Variants in WDR35 observed in about 807,000 individuals in gnomAD.
The protein encoded by WDR35 is WD repeat domain 35.
Under a neutral mutation model 158.3 loss-of-function variants are expected in WDR35, and 118 were observed. The ratio of observed to expected loss-of-function variants is 0.75; its 90% CI spans 0.64 to 0.87. The LOEUF is 0.87. Among genes scored for constraint, WDR35 ranks in the 40% least tolerant of loss-of-function variants. The pLI, the probability that WDR35 is intolerant of heterozygous loss-of-function variation, is 0.00. For missense variants in WDR35, 1,263 were observed against 1,405.8 expected (o/e 0.90, Z 1.62); for synonymous variants, 448 against 476.1 (o/e 0.94, Z 0.77).
intron 18 of WDR35, 114 bp downstream of exon 18, chr2:19,938,151 A>G: frequency 2.0e-6 from 3 of 1,479,690 alleles, no homozygotes; most frequent in Non-Finnish European, 2.8e-6. Flanking sequence ...TAAAAAGAAG[A>G]GCAAGAATGG....
intron 10 of WDR35, among the ~76,000 whole-genome samples, chr2:19,964,598 G>A (rs992860381): frequency 5.3e-5 from 8 of 151,668 alleles, no homozygotes; most frequent in Admixed American, 1.3e-4. Flanking sequence ...TGCCCAGGCC[G>A]GTCTCGAACT....
chr2:19,976,649 T>C (rs1400447330), intron 5 of WDR35, among the ~76,000 whole-genome samples: 1 of 151,612 alleles, frequency 6.6e-6, no homozygotes, highest in Non-Finnish European at 1.5e-5. Context: ...ACTGCCTTCA[T>C]GGACGTCACT....
intron 12 of WDR35, among the ~76,000 whole-genome samples, chr2:19,952,481 T>A (rs1011962889): frequency 1.3e-5 from 2 of 152,198 alleles, no homozygotes; most frequent in African/African-American, 4.8e-5. Context: ...CATAAGGAAA[T>A]GCTGTCTTCT....
chr2:19,921,678 C>T (rs1171143654), intron 25 of WDR35, among the ~76,000 whole-genome samples: 1 of 152,164 alleles, frequency 6.6e-6, no homozygotes, highest in African/African-American at 2.4e-5. Context: ...GCAAAGACTT[C>T]ATAACTAAAA....
chr2:19,936,531 G>A lies in WDR35; in HGVS notation c.2268-166C>T, dbSNP rs6755153. On this transcript the variant is annotated intron_variant, in intron 19 of 26. Transcript: ENST00000281405. ...GCCTGACTAGCTAAGAGGAAATGAG[G>A]AGCACCTGGAGGTTATGGTTTGAAT... Among the ~76,000 whole-genome samples, 15,899 of 152,184 alleles carry A rather than the reference G, an allele frequency of 0.1. 916 individuals carry two copies. Among genetic ancestry groups the A allele is most frequent in the South Asian group, 0.2 (945 of 4,816 alleles).
chr2:19,984,265 G>A (rs368054868), intron 2 of WDR35, among the ~76,000 whole-genome samples: 3 of 152,060 alleles, frequency 2.0e-5, no homozygotes, highest in South Asian at 2.1e-4. Context: ...AAGCAACTCC[G>A]TAACTTGATC....
In WDR35 at chr2:19,913,308, C is replaced by A; in HGVS notation, c.*250G>T. On this transcript the variant is annotated 3_prime_UTR_variant, in exon 27 of 27. Transcript: ENST00000281405. ...ATCATGTAACCAAAAACAAGATAAA[C>A]AAAAGAGAGAGGGTGAGAGAAAACA... 1 of 394,382 alleles carries A rather than the reference C, an allele frequency of 2.5e-6. No homozygotes were observed. Among genetic ancestry groups the A allele is most frequent in the Non-Finnish European group, 4.6e-6 (1 of 219,586 alleles). 24.4% of individuals were successfully genotyped at this position (394,382 alleles called of 1,614,324 possible). A position where few individuals can be genotyped will look rare whatever the true frequency, so the allele number is the denominator to read the frequency against.
chr2:19,914,633 T>C (rs918276034), intron 25 of WDR35, among the ~76,000 whole-genome samples: 2 of 152,210 alleles, frequency 1.3e-5, no homozygotes, highest in African/African-American at 4.8e-5. Flanking sequence ...ATGAGTATTA[T>C]ACTATGTTAG....
chr2:19,982,810 C>G (rs1008247113), intron 2 of WDR35, among the ~76,000 whole-genome samples: 1 of 152,076 alleles, frequency 6.6e-6, no homozygotes, highest in African/African-American at 2.4e-5. Flanking sequence ...CAAAAGACCA[C>G]AAATAGAAAT....
Position 19,946,529 on chromosome 2 carries a change from A to G in WDR35, c.1566T>C (p.Asn522=). ...SGTIQRYSLP[N]VGLIQKYSLN... The stretch of plus-strand genomic sequence containing the variant: ...GGGAATATTTTTGAATCAAACCAAC[A>G]TTAGGTAGACTGTATCTCTGAATGG... The change falls in exon 15 of 27, where the codon AAT becomes AAC. Residue 522 remains asparagine, a synonymous_variant. Coordinates refer to ENST00000281405, the MANE Select transcript of WDR35 (RefSeq NM_020779.4). 3.1e-6 allele frequency: 5 copies of G among 1,613,668 alleles called. No homozygotes were observed. The highest frequency in any genetic ancestry group is 4.2e-6 in the Non-Finnish European group (5 of 1,179,710).
Position 19,931,398 on chromosome 2 carries a change from T to G in WDR35, c.2835A>C (p.Glu945Asp). ...AAKLMFKIAD[E>D]EAKKGSKPLR... ...AAGGTTTACTTCCTTTCTTTGCCTC[T>G]TCATCTGCAATCTTAAACATTTTTC... The change falls in exon 24 of 27, where the codon GAA becomes GAC. Residue 945 changes from glutamate to aspartate, a missense_variant. By Grantham distance (45) the Glu-to-Asp change is conservative. Transcript: ENST00000281405. 6.2e-7 allele frequency: 1 copy of G among 1,613,336 alleles called. No individual in the cohort carries two copies. The highest frequency in any genetic ancestry group is 8.5e-7 in the Non-Finnish European group (1 of 1,179,656).
At chr2:19,921,357 A>G (rs1397529313) in intron 25 of WDR35, among the ~76,000 whole-genome samples, 1 of 152,210 alleles carries the variant, frequency 6.6e-6, no homozygotes, top group African/African-American at 2.4e-5. Flanking sequence ...CAAAAACGGC[A>G]CGGTACTGGT....
Position 19,930,388 on chromosome 2 carries a change from A to C in WDR35, c.3121+8T>G. The C allele has an allele frequency of 6.2e-7, 1 of 1,614,238 alleles. No homozygotes were observed. The highest frequency in any genetic ancestry group is 1.1e-5 in the South Asian group (1 of 91,088). On this transcript the variant is annotated splice_region_variant and intron_variant, in intron 25 of 26. Coordinates refer to ENST00000281405, the MANE Select transcript of WDR35 (RefSeq NM_020779.4). ...AGACATACTATACACATTAGGTGAC[A>C]TGCCCACCTGTCTTCAGTGCAGTGT...
rs763112666 is a variant in WDR35 at position 19,935,549 on chromosome 2, T to C, written c.2469A>G (p.Glu823=). The C allele has an allele frequency of 6.2e-7, 1 of 1,613,236 alleles. No individual in the cohort carries two copies. Residue 823 remains glutamate (E), a synonymous_variant, in exon 21 of 27, where the codon GAA becomes GAG. Coordinates refer to ENST00000281405, the MANE Select transcript of WDR35 (RefSeq NM_020779.4). The part of the protein sequence containing the change: ...VQGRNQERLA[E]CYYMLEDYEG... ...CATAATCCTCTAACATATAGTAACATTCAGCTAAGCGTTCCTGGTTCCGTC... is the reference window on the plus strand; with the variant it reads ...CATAATCCTCTAACATATAGTAACACTCAGCTAAGCGTTCCTGGTTCCGTC...
At chr2:19,930,698 G>C in intron 24 of WDR35, 146 bp from the exon 25 acceptor site, 1 of 1,207,540 alleles carries the variant, frequency 8.3e-7, no homozygotes, top group Non-Finnish European at 1.2e-6. Context: ...TTTAAGAGAT[G>C]AGGTATTACT....
chr2:19,973,531 GA>G (rs1474346533), intron 8 of WDR35, 31 bp downstream of exon 8: 1 of 1,613,640 alleles, frequency 6.2e-7, no homozygotes, highest in Non-Finnish European at 8.5e-7. Context: ...CATTTAAATA[GA>G]AAGAAAGAAG....
chr2:19,976,537 A>G (rs1672218729), intron 5 of WDR35, among the ~76,000 whole-genome samples: 1 of 152,176 alleles, frequency 6.6e-6, no homozygotes, highest in Non-Finnish European at 1.5e-5. Context: ...AAAATAATAA[A>G]TAAAAAAAGA....
Position 19,931,234 on chromosome 2 carries a change from C to T in WDR35, c.2964+35G>A, listed in dbSNP as rs773301991. ...CTTTTTTTTTTTTTCTTAAACACTT[C>T]CAATGATGTAATGTTATTTAACGTG... is the stretch of plus-strand genomic sequence containing the variant. On this transcript the variant is annotated intron_variant, in intron 24 of 26. Coordinates refer to ENST00000281405, the MANE Select transcript of WDR35 (RefSeq NM_020779.4). 6.3e-6 allele frequency: 10 copies of T among 1,596,344 alleles called. No homozygotes were observed. The African/African-American group carries it at 1.4e-4, about 22-fold the overall frequency.
rs771241027 is a variant in WDR35 at position 19,938,262 on chromosome 2, T to C, written c.2063+3A>G. 2 of 1,614,014 alleles carry C rather than the reference T, an allele frequency of 1.2e-6. No individual in the cohort carries two copies. The highest frequency in any genetic ancestry group is 1.7e-6 in the Non-Finnish European group (2 of 1,179,980). ...CCTGGGAGAGTTTGCTTTTTTTAAA[T>C]ACCAAAGTCGGGGGTGTGGATTGTC... On this transcript the variant is annotated splice_donor_region_variant and intron_variant, in intron 18 of 26. Coordinates refer to ENST00000281405, the MANE Select transcript of WDR35 (RefSeq NM_020779.4).
Sources: gnomAD v4.1 joint callset for allele counts (sites outside exome capture counted in the v4.1 genomes callset) on GRCh38, gnomAD v4.1.1 for gene constraint, MANE v1.5 for transcripts, NCBI Gene and HGNC (gene_info 2026-07-23, HGNC 2026-07-21) for gene names.